The following VWA7 variants were observed in gnomAD, a reference collection of about 807,000 sequenced individuals.
VWA7 encodes von Willebrand factor A domain-containing protein 7.
VWA7 carries 66 observed loss-of-function variants against 83.1 expected under a neutral mutation model. The ratio of observed to expected loss-of-function variants is 0.79; its 90% CI spans 0.65 to 0.98. The LOEUF is 0.98. Among genes scored for constraint, VWA7 ranks in the 50% least tolerant of loss-of-function variants. The pLI, the probability that VWA7 is intolerant of heterozygous loss-of-function variation, is 0.00. For synonymous variants in VWA7, 424 were observed against 488.5 expected (o/e 0.87, Z 1.74); for missense variants, 1,080 against 1,160.2 (o/e 0.93, Z 1.00).
chr6:31,767,853 C>G, intron 10 of VWA7, 99 bp from the exon 11 acceptor site: 1 of 1,425,266 alleles, frequency 7.0e-7, no homozygotes, highest in East Asian at 2.4e-5. Context: ...CGTCATTGGG[C>G]CGGGCGCAGT....
In VWA7 at chr6:31,777,222, T is replaced by C; in HGVS notation, c.-129A>G. The C allele has an allele frequency of 2.4e-6, 1 of 421,440 alleles. No individual in the cohort carries two copies. Among genetic ancestry groups the C allele is most frequent in the Non-Finnish European group, 4.3e-6 (1 of 233,088 alleles). The allele number at this position is 421,440 out of a possible 1,614,324, so 26.1% of individuals were successfully genotyped here. ...GAGGGGGAGGAAGGCCTCAACAGGG[T>C]GGGGGAGGACAGGCAACCCCTGGCC... is the stretch of plus-strand genomic sequence containing the variant. On this transcript the variant is annotated 5_prime_UTR_variant, in exon 1 of 17. Transcript: ENST00000375688. This position sits in a 1 kb window ranked among gnomAD's most constrained non-coding sequence, Gnocchi z 5.8.
In VWA7 at chr6:31,776,935, C is replaced by T; in HGVS notation, c.-15-141G>A. 2.1e-6 allele frequency: 1 copy of T among 487,150 alleles called. No individual in the cohort carries two copies. Among genetic ancestry groups the T allele is most frequent in the South Asian group, 4.0e-5 (1 of 25,154 alleles). The allele number at this position is 487,150 out of a possible 1,614,324, so 30.2% of individuals were successfully genotyped here. On this transcript the variant is annotated intron_variant, in intron 1 of 16. Transcript: ENST00000375688. This position sits in a 1 kb window ranked among gnomAD's most constrained non-coding sequence, Gnocchi z 6.2. ...TGGCTTCCCCACCCTCTCGCTGTCA[C>T]CCAGACAACCTGAGGGCCTCATCGG...
In VWA7 at chr6:31,765,735, C is replaced by T. The variant is rs151031469; in HGVS notation, c.2535G>A (p.Pro845=). 11 of 1,593,196 alleles carry T rather than the reference C, an allele frequency of 6.9e-6. No homozygotes were observed. The highest frequency in any genetic ancestry group is 4.0e-5 in the African/African-American group (3 of 74,538). ...AGGCAGGGGTGGCCGTGGTGAGGATCGGGTCAGATGAGCCGGTAGGGGTGG... is the reference window on the plus strand; with the variant it reads ...AGGCAGGGGTGGCCGTGGTGAGGATTGGGTCAGATGAGCCGGTAGGGGTGG... ...RHTTPTGSSD[P]ILTTATPAFS... is the part of the protein sequence containing the mutation. Residue 845 remains proline (P), a synonymous_variant, in exon 17 of 17, where the codon CCG becomes CCA. Coordinates refer to ENST00000375688, the MANE Select transcript of VWA7 (RefSeq NM_025258.3).
rs557357234 is a variant in VWA7 at position 31,766,444 on chromosome 6, C to T, written c.2184+19G>A. 12 of 1,580,738 alleles carry T rather than the reference C, an allele frequency of 7.6e-6. No homozygotes were observed. The highest frequency in any genetic ancestry group is 5.2e-6 in the Non-Finnish European group (6 of 1,162,894). On this transcript the variant is annotated intron_variant, in intron 14 of 16. Coordinates refer to ENST00000375688, the MANE Select transcript of VWA7 (RefSeq NM_025258.3). The surrounding 1 kb of genome is among the most constrained non-coding windows in gnomAD (Gnocchi z 4.9). ...CTAACTCTCTCCAGCCCCAGCCGCA[C>T]TTTCCCCTGGCGTCTCACCTCCAGA...
In VWA7 at chr6:31,773,439, T is replaced by C. The variant is rs1812394316; in HGVS notation, c.722-2A>G. 6.3e-7 allele frequency: 1 copy of C among 1,580,572 alleles called. No homozygotes were observed. The highest frequency in any genetic ancestry group is 8.6e-7 in the Non-Finnish European group (1 of 1,164,104). ...AATGGCCCCCGTGGCTACATTTCCC[T>C]GGGTTGGGGAAAGGGATCTGGAGAG... On this transcript the variant is annotated splice_acceptor_variant, in intron 5 of 16. Coordinates refer to ENST00000375688, the MANE Select transcript of VWA7 (RefSeq NM_025258.3). LOFTEE classifies it high-confidence loss of function. This position sits in a 1 kb window ranked among gnomAD's most constrained non-coding sequence, Gnocchi z 5.3.
rs1812774388 is a variant in VWA7 at position 31,777,231 on chromosome 6, A to T, written c.-138T>A. 6.9e-6 allele frequency: 3 copies of T among 432,002 alleles called. No homozygotes were observed. Among genetic ancestry groups the T allele is most frequent in the Non-Finnish European group, 1.3e-5 (3 of 239,400 alleles). 26.8% of individuals were successfully genotyped at this position (432,002 alleles called of 1,614,324 possible). On this transcript the variant is annotated 5_prime_UTR_variant, in exon 1 of 17. Transcript: ENST00000375688. The surrounding 1 kb of genome is among the most constrained non-coding windows in gnomAD (Gnocchi z 5.8). ...GAAGGCCTCAACAGGGTGGGGGAGG[A>T]CAGGCAACCCCTGGCCCTTTCGCTC...
chr6:31,765,817 C>G, intron 16 of VWA7, 47 bp from the exon 17 acceptor site: 1 of 1,596,348 alleles, frequency 6.3e-7, no homozygotes, highest in Non-Finnish European at 8.5e-7. Context: ...GAGCTGTACT[C>G]AAATTAAACC....
In VWA7 at chr6:31,776,066, G is replaced by C; in HGVS notation, c.411C>G (p.Arg137=). Residue 137 remains arginine, a synonymous_variant, in exon 3 of 17, where the codon CGC becomes CGG. Transcript: ENST00000375688. This position sits in a 1 kb window ranked among gnomAD's most constrained non-coding sequence, Gnocchi z 6.2. The part of the protein sequence containing the change: ...HFDAERLGQG[R]ARLVGALRET... ...CCCGCAGAGCCCCTACCAGGCGCGC[G>C]CGTCCCTGACCCAGTCGCTCAGCAT... 1 of 1,613,838 alleles carries C rather than the reference G, an allele frequency of 6.2e-7. No individual in the cohort carries two copies. The highest frequency in any genetic ancestry group is 8.5e-7 in the Non-Finnish European group (1 of 1,180,024).
intron 10 of VWA7, among the ~76,000 whole-genome samples, chr6:31,767,962 C>T (rs1404014116): frequency 6.9e-6 from 1 of 145,444 alleles, no homozygotes; most frequent in Non-Finnish European, 1.5e-5. Context: ...GAAACTACAT[C>T]TCTACTAAAA....
At chr6:31,767,042 G>A (rs1175630861) in intron 13 of VWA7, 116 bp downstream of exon 13, 1 of 437,556 alleles carries the variant, frequency 2.3e-6, no homozygotes, top group Non-Finnish European at 4.0e-6. Context: ...CATATGCACA[G>A]ATGTATGTAT....
At position 31,766,363 on chromosome 6, in the gene VWA7, A is replaced by G. The variant is rs771896419; in HGVS notation, c.2206T>C (p.Leu736=). 3 of 1,603,034 alleles carry G rather than the reference A, an allele frequency of 1.9e-6. No homozygotes were observed. Among genetic ancestry groups the G allele is most frequent in the Non-Finnish European group, 1.7e-6 (2 of 1,175,890 alleles). The stretch of plus-strand genomic sequence containing the variant: ...AGCGGGACTTTGCTGCCCGGGGCCA[A>G]GAAACCCGAGGGGCCACTAAGCTGC... ...LLELSGPSGF[L]APGSKVPLSL... Residue 736 remains leucine, a synonymous_variant, in exon 15 of 17, where the codon TTG becomes CTG. Coordinates refer to ENST00000375688, the MANE Select transcript of VWA7 (RefSeq NM_025258.3). The surrounding 1 kb of genome is among the most constrained non-coding windows in gnomAD (Gnocchi z 4.9).
Position 31,769,329 on chromosome 6 carries a change from G to A in VWA7, c.1318-126C>T. 8.3e-7 allele frequency: 1 copy of A among 1,201,860 alleles called. No individual in the cohort carries two copies. Among genetic ancestry groups the A allele is most frequent in the South Asian group, 1.5e-5 (1 of 65,106 alleles). The allele number at this position is 1,201,860 out of a possible 1,614,324, so 74.4% of individuals were successfully genotyped here. On this transcript the variant is annotated intron_variant, in intron 9 of 16. Coordinates refer to ENST00000375688, the MANE Select transcript of VWA7 (RefSeq NM_025258.3). This position sits in a 1 kb window ranked among gnomAD's most constrained non-coding sequence, Gnocchi z 4.5. ...GTGATAAGGTCTCTGCCTGCCTTCT[G>A]GCTGCTGGGGTGGGGAATCCCAATG...
chr6:31,765,695 A>G lies in VWA7; in HGVS notation c.2575T>C (p.Leu859=), dbSNP rs747970019. The G allele has an allele frequency of 1.5e-4, 232 of 1,599,926 alleles. No homozygotes were observed. Among genetic ancestry groups the G allele is most frequent in the Non-Finnish European group, 1.8e-4 (206 of 1,173,542 alleles). Residue 859 remains leucine (L), a synonymous_variant, in exon 17 of 17, where the codon TTG becomes CTG. Coordinates refer to ENST00000375688, the MANE Select transcript of VWA7 (RefSeq NM_025258.3). ...TATPAFSPFT[L]VTQGRAGAGL... ...GCCCCAGCCCTGCCTTGAGTCACCA[A>G]TGTGAAGGGGGAAAAGGCAGGGGTG...
Position 31,775,903 on chromosome 6 carries a change from C to G in VWA7, c.513+61G>C. On this transcript the variant is annotated intron_variant, in intron 3 of 16. Transcript: ENST00000375688. This position sits in a 1 kb window ranked among gnomAD's most constrained non-coding sequence, Gnocchi z 5.9. Reference sequence around the variant, plus strand: ...TCAAGAAGGCACCATAGGACGCGCTCCATCCCGGACAGGCACGGAAGTGAA... The same window carrying G: ...TCAAGAAGGCACCATAGGACGCGCTGCATCCCGGACAGGCACGGAAGTGAA... 1 of 1,546,034 alleles carries G rather than the reference C, an allele frequency of 6.5e-7. No individual in the cohort carries two copies. Among genetic ancestry groups the G allele is most frequent in the Non-Finnish European group, 8.7e-7 (1 of 1,146,740 alleles).
rs1217050169 is a variant in VWA7, at chr6:31,765,978, C to A, written c.2404G>T (p.Val802Leu). 9 of 1,612,958 alleles carry A rather than the reference C, an allele frequency of 5.6e-6. No individual in the cohort carries two copies. The highest frequency in any genetic ancestry group is 7.6e-6 in the Non-Finnish European group (9 of 1,180,030). The change falls in exon 16 of 17, where the codon GTG (valine) becomes TTG (leucine). Residue 802 changes from valine to leucine, a missense_variant. Physicochemically the swap from Val to Leu is conservative, Grantham distance 32 (BLOSUM62 1). Transcript: ENST00000375688. ...CCCCCTGCAGTCACAGTCACCATCA[C>A]CACGGAATCCGGGGCCGCTGAATCT... ...VPDSAAPDSV[V>L]MVTVTAGGRE...
At position 31,766,358 on chromosome 6, in the gene VWA7, G is replaced by C. The variant is rs1167184997; in HGVS notation, c.2211C>G (p.Ala737=). ...LELSGPSGFL[A]PGSKVPLSLR... ...GACTGAGCGGGACTTTGCTGCCCGGGGCCAAGAAACCCGAGGGGCCACTAA... is the reference window on the plus strand; with the variant it reads ...GACTGAGCGGGACTTTGCTGCCCGGCGCCAAGAAACCCGAGGGGCCACTAA... Residue 737 remains alanine (A), a synonymous_variant, in exon 15 of 17, where the codon GCC becomes GCG. Transcript: ENST00000375688. The surrounding 1 kb of genome is among the most constrained non-coding windows in gnomAD (Gnocchi z 4.9). The C allele has an allele frequency of 1.2e-6, 2 of 1,604,978 alleles. No individual in the cohort carries two copies. The highest frequency in any genetic ancestry group is 2.2e-5 in the South Asian group (2 of 89,778).
At position 31,769,263 on chromosome 6, in the gene VWA7, G is replaced by C; in HGVS notation, c.1318-60C>G. ...CCAAGTGCCATCCACTATTATGAAT[G>C]AGAATCCCTGTGCTCAAGCTTTCTC... On this transcript the variant is annotated intron_variant, in intron 9 of 16. Transcript: ENST00000375688. The surrounding 1 kb of genome is among the most constrained non-coding windows in gnomAD (Gnocchi z 4.5). 1 of 1,551,886 alleles carries C rather than the reference G, an allele frequency of 6.4e-7. No homozygotes were observed. Among genetic ancestry groups the C allele is most frequent in the Non-Finnish European group, 8.7e-7 (1 of 1,145,112 alleles).
chr6:31,768,513 G>C (rs1042497405), intron 10 of VWA7, among the ~76,000 whole-genome samples: 4 of 151,786 alleles, frequency 2.6e-5, no homozygotes, highest in African/African-American at 7.3e-5. Context: ...CAGAATACTG[G>C]AAGCCAAGTG....
chr6:31,774,154 CAAAAAAAAAA>C (rs10581485), intron 5 of VWA7, among the ~76,000 whole-genome samples: 4 of 61,820 alleles, frequency 6.5e-5, no homozygotes, highest in African/African-American at 2.6e-4. Context: ...AACTCCATCT[CAAAAAAAAAA>C]AAAAAAAAAA....
Sources: allele counts gnomAD v4.1 joint callset (sites outside exome capture counted in the v4.1 genomes callset), GRCh38; gene constraint gnomAD v4.1.1; non-coding constraint Gnocchi (gnomAD v3.1); transcripts MANE v1.5; gene names NCBI Gene and HGNC (gene_info 2026-07-23, HGNC 2026-07-21).